Variants in DENND3 observed in about 807,000 individuals in gnomAD.
The protein encoded by DENND3 is DENN domain containing 3.
A neutral mutation model predicts 135.1 loss-of-function variants in DENND3; 88 were observed. That is an observed-to-expected ratio of 0.65 (90% CI 0.55 to 0.78). The LOEUF is 0.78. Ranked by LOEUF, DENND3 falls within the 30% of genes least tolerant of loss-of-function variation. The probability of loss-of-function intolerance (pLI) is 0.00; values close to 1 mark genes in which losing one functional copy is unlikely to be tolerated. For synonymous variants in DENND3, 693 were observed against 712.3 expected, an observed-to-expected ratio of 0.97 and a Z score of 0.43; for missense variants, 1,392 against 1,688.4, an observed-to-expected ratio of 0.82 and a Z score of 3.08.
In DENND3 at chr8:141,194,630, T is replaced by A. The variant is rs1403051579; in HGVS notation, c.*397T>A. Reference sequence around the variant, plus strand: ...CGTCTCTGGTTTTACCTTTCCTTACTTCATTCATTCACTCACCCAGTCCTT... The same window carrying A: ...CGTCTCTGGTTTTACCTTTCCTTACATCATTCATTCACTCACCCAGTCCTT... On this transcript the variant is annotated 3_prime_UTR_variant, in exon 23 of 23. Transcript: ENST00000519811. 1 of 193,170 alleles carries A rather than the reference T, an allele frequency of 5.2e-6. No individual in the cohort carries two copies. Among genetic ancestry groups the A allele is most frequent in the Non-Finnish European group, 1.0e-5 (1 of 100,084 alleles). 12.0% of individuals were successfully genotyped at this position (193,170 alleles called of 1,614,324 possible). A position where few individuals can be genotyped will look rare whatever the true frequency, so the allele number is the denominator to read the frequency against.
In DENND3 at chr8:141,190,411, T is replaced by C. The variant is rs1345454464; in HGVS notation, c.3373T>C (p.Trp1125Arg). The change falls in exon 20 of 23, where the codon TGG (tryptophan) becomes CGG (arginine). Residue 1125 changes from tryptophan (W) to arginine (R), a missense_variant. Coordinates refer to ENST00000519811, the MANE Select transcript of DENND3 (RefSeq NM_001352890.3). ...TSIRLHGGRL[W>R]CCTGNSIMVM... ...CATCAGACTGCACGGCGGCCGCCTGTGGTGCTGTAAGTCCGGCCCCTGCCA... is the reference window on the plus strand; with the variant it reads ...CATCAGACTGCACGGCGGCCGCCTGCGGTGCTGTAAGTCCGGCCCCTGCCA... 1.9e-6 allele frequency: 3 copies of C among 1,608,616 alleles called. No homozygotes were observed. Among genetic ancestry groups the C allele is most frequent in the Non-Finnish European group, 2.5e-6 (3 of 1,178,416 alleles).
intron 8 of DENND3, among the ~76,000 whole-genome samples, chr8:141,159,330 C>G (rs1819841466): frequency 6.6e-6 from 1 of 152,178 alleles, no homozygotes; most frequent in Non-Finnish European, 1.5e-5. Flanking sequence ...AAGATTGGCT[C>G]CTGCCGGCCA....
intron 8 of DENND3, 50 bp from the exon 9 acceptor site, chr8:141,160,582 C>T (rs759441356): frequency 2.9e-5 from 44 of 1,530,898 alleles, no homozygotes; most frequent in Middle Eastern, 2.4e-4. Context: ...GGTGAGCGGC[C>T]GTGGCCAGTG....
chr8:141,189,015 G>A lies in DENND3; in HGVS notation c.3114G>A (p.Gln1038=). 6.2e-7 allele frequency: 1 copy of A among 1,614,130 alleles called. No homozygotes were observed. The highest frequency in any genetic ancestry group is 8.5e-7 in the Non-Finnish European group (1 of 1,179,998). The change falls in exon 19 of 23, where the codon CAG becomes CAA. Residue 1038 remains glutamine, a synonymous_variant. Coordinates refer to ENST00000519811, the MANE Select transcript of DENND3 (RefSeq NM_001352890.3). ...VNCMVMADQN[Q]VWVGSEDSVI... The stretch of plus-strand genomic sequence containing the variant: ...GCATGGTGATGGCCGACCAGAACCA[G>A]GTGTGGGTTGGCTCGGAAGACTCCG...
chr8:141,149,421 A>G (rs1818523578), intron 5 of DENND3, among the ~76,000 whole-genome samples: 1 of 152,270 alleles, frequency 6.6e-6, no homozygotes, highest in African/African-American at 2.4e-5. Flanking sequence ...ATAAAAAATC[A>G]CCAAACTTCT....
At chr8:141,186,939 C>T (rs1050555343) in intron 18 of DENND3, among the ~76,000 whole-genome samples, 2 of 152,258 alleles carry the variant, frequency 1.3e-5, no homozygotes, top group Admixed American at 6.6e-5. Flanking sequence ...CTGAGTAGCT[C>T]CCCGTGCTCT....
chr8:141,158,410 C>T, intron 8 of DENND3: 1 of 1,130,902 alleles, frequency 8.8e-7, no homozygotes, highest in Non-Finnish European at 1.1e-6. Flanking sequence ...GCATCCTCAT[C>T]TTCTTGTTAG....
At chr8:141,151,969 C>T (rs751680094) in intron 7 of DENND3, 132 bp downstream of exon 7, 65 of 1,109,384 alleles carry the variant, frequency 5.9e-5, no homozygotes, top group Middle Eastern at 3.0e-4. Context: ...TCACGGGTAC[C>T]GTGAGAAGTG....
chr8:141,188,890 T>G (rs1824294513), intron 18 of DENND3, 96 bp from the exon 19 acceptor site: 1 of 1,470,500 alleles, frequency 6.8e-7, no homozygotes, highest in African/African-American at 1.4e-5. Context: ...AGTGGTTCCA[T>G]ATCCGCTAAT....
rs1353246446 is a variant in DENND3 at position 141,154,645 on chromosome 8, C to A, written c.1075-1204C>A. Among the ~76,000 whole-genome samples the A allele has an allele frequency of 6.6e-6, 1 of 151,998 alleles. No homozygotes were observed. Among genetic ancestry groups the A allele is most frequent in the East Asian group, 1.9e-4 (1 of 5,180 alleles). The stretch of plus-strand genomic sequence containing the variant: ...TGGCACGATCTCAGCTCACTGCAAC[C>A]TCCGCCTCCTGGGTTCAAGCGATTC... On this transcript the variant is annotated intron_variant, in intron 7 of 22. Transcript: ENST00000519811. The surrounding 1 kb of genome is among the most constrained non-coding windows in gnomAD (Gnocchi z 4.4).
At chr8:141,143,839 C>T (rs550403454) in intron 4 of DENND3, 38 of 257,874 alleles carry the variant, frequency 1.5e-4, no homozygotes, top group African/African-American at 6.8e-4. Context: ...TACAGACAAA[C>T]GCACAAATTC....
At position 141,138,202 on chromosome 8, in the gene DENND3, A is replaced by G; in HGVS notation, c.501+65A>G. On this transcript the variant is annotated intron_variant, in intron 3 of 22. Coordinates refer to ENST00000519811, the MANE Select transcript of DENND3 (RefSeq NM_001352890.3). The surrounding 1 kb of genome is among the most constrained non-coding windows in gnomAD (Gnocchi z 4.8). ...GATTTTTTATTATGGTGAAATACAC[A>G]TAACACAACATTCACCATTCTAACC... 6.9e-7 allele frequency: 1 copy of G among 1,441,974 alleles called. No individual in the cohort carries two copies. Among genetic ancestry groups the G allele is most frequent in the Non-Finnish European group, 9.5e-7 (1 of 1,048,204 alleles). 89.3% of individuals were successfully genotyped at this position (1,441,974 alleles called of 1,614,324 possible).
At position 141,174,988 on chromosome 8, in the gene DENND3, C is replaced by G. The variant is rs1031035945; in HGVS notation, c.2276-212C>G. Among the ~76,000 whole-genome samples, 3 of 152,198 alleles carry G rather than the reference C, an allele frequency of 2.0e-5. No individual in the cohort carries two copies. Among genetic ancestry groups the G allele is most frequent in the African/African-American group, 7.2e-5 (3 of 41,444 alleles). ...AAAGGGCTGCGGGCTCAGCCTAGAT[C>G]GTGTGCCCCTCCCTTGACAGCTGGA... On this transcript the variant is annotated intron_variant, in intron 13 of 22. Transcript: ENST00000519811. This position sits in a 1 kb window ranked among gnomAD's most constrained non-coding sequence, Gnocchi z 4.6.
chr8:141,172,797 A>G (rs1278773707), intron 13 of DENND3, among the ~76,000 whole-genome samples: 4 of 152,162 alleles, frequency 2.6e-5, no homozygotes, highest in African/African-American at 7.2e-5. Flanking sequence ...TGTGATCCTA[A>G]CATTTCAAGA....
intron 13 of DENND3, among the ~76,000 whole-genome samples, chr8:141,169,809 C>CGT (rs1569556242): frequency 6.6e-6 from 1 of 152,208 alleles, no homozygotes; most frequent in Non-Finnish European, 1.5e-5. Context: ...GTTTTCAAGA[C>CGT]GTATCTGTGT....
chr8:141,132,483 G>A (rs1273531744), intron 1 of DENND3, among the ~76,000 whole-genome samples: 1 of 152,100 alleles, frequency 6.6e-6, no homozygotes. Context: ...TGAGCCTCCC[G>A]AGTAGCTGGG....
Position 141,189,050 on chromosome 8 carries a change from T to C in DENND3, c.3149T>C (p.Ile1050Thr). The change falls in exon 19 of 23, where the codon ATC (isoleucine) becomes ACC (threonine). Residue 1050 changes from isoleucine to threonine, a missense_variant. Coordinates refer to ENST00000519811, the MANE Select transcript of DENND3 (RefSeq NM_001352890.3). ...WVGSEDSVIY[I>T]INVHSMSCNK... is the part of the protein sequence containing the mutation. Reference sequence around the variant, plus strand: ...GGCTCGGAAGACTCCGTCATCTACATCATCAACGTCCACAGCATGTCCTGC... The same window carrying C: ...GGCTCGGAAGACTCCGTCATCTACACCATCAACGTCCACAGCATGTCCTGC... 1 of 1,614,170 alleles carries C rather than the reference T, an allele frequency of 6.2e-7. No homozygotes were observed. Among genetic ancestry groups the C allele is most frequent in the East Asian group, 2.2e-5 (1 of 44,884 alleles).
At position 141,145,836 on chromosome 8, in the gene DENND3, TATATATATATATA is replaced by T. The variant is rs1569555473; in HGVS notation, c.735+1578_735+1590del. On this transcript the variant is annotated intron_variant, in intron 5 of 22. Transcript: ENST00000519811. ...ATATATATATATATATATATATATA[TATATATATATATA>T]TGTATTTTTTTTTTTTTGAGGCGGA... is the stretch of plus-strand genomic sequence containing the variant. 2.7e-3 allele frequency among the ~76,000 whole-genome samples: 219 copies of T among 82,188 alleles called. 13 individuals are homozygous for T. The highest frequency in any genetic ancestry group is 0.019 in the African/African-American group (210 of 11,160). The allele number at this position is 82,188 out of a possible 152,430, so 53.9% of individuals were successfully genotyped here.
Position 141,182,222 on chromosome 8 carries a change from CA to C in DENND3, c.2944+1369del, listed in dbSNP as rs1823235019. 3.6e-6 allele frequency: 3 copies of C among 827,532 alleles called. No individual in the cohort carries two copies. Among genetic ancestry groups the C allele is most frequent in the Non-Finnish European group, 4.4e-6 (3 of 686,204 alleles). 51.3% of individuals were successfully genotyped at this position (827,532 alleles called of 1,614,324 possible). On this transcript the variant is annotated intron_variant, in intron 17 of 22. Transcript: ENST00000519811. The surrounding 1 kb of genome is among the most constrained non-coding windows in gnomAD (Gnocchi z 5.9). ...AGGCCATGTCCGCGGCTTCACAGAG[CA>C]CCTGGCCATTCACACACGGAGCTCA...
Sources: gnomAD v4.1 joint callset for allele counts (sites outside exome capture counted in the v4.1 genomes callset) on GRCh38, gnomAD v4.1.1 for gene constraint, Gnocchi (gnomAD v3.1) non-coding constraint, MANE v1.5 for transcripts, NCBI Gene and HGNC (gene_info 2026-07-23, HGNC 2026-07-21) for gene names.